NCKAP5: variants seen among roughly 807,000 people sequenced by gnomAD.
NCKAP5 encodes NCK associated protein 5.
NCKAP5 carries 92 observed loss-of-function variants against 167.0 expected under a neutral mutation model. The ratio of observed to expected loss-of-function variants is 0.55; its 90% CI spans 0.47 to 0.66. The LOEUF is 0.66. NCKAP5 is among the 30% of genes least tolerant of loss of function. NCKAP5 has a pLI of 0.00. For missense variants in NCKAP5, 2,378 were observed against 2,315.0 expected (o/e 1.03, Z -0.56); for synonymous variants, 891 against 877.4 (o/e 1.02, Z -0.27).
At chr2:133,193,963 T>C (rs1316014156) in intron 5 of NCKAP5, among the ~76,000 whole-genome samples, 1 of 152,152 alleles carries the variant, frequency 6.6e-6, no homozygotes, top group Non-Finnish European at 1.5e-5. Context: ...GTGTTACAGT[T>C]GCTAAGGGCA....
intron 19 of NCKAP5, among the ~76,000 whole-genome samples, chr2:132,712,515 A>G (rs1421326080): frequency 3.9e-5 from 6 of 152,088 alleles, no homozygotes; most frequent in African/African-American, 9.7e-5. Context: ...AGCCGGGTGT[A>G]GAGGCGGGCA....
chr2:133,136,764 C>G (rs2082801278), intron 5 of NCKAP5, among the ~76,000 whole-genome samples: 1 of 152,168 alleles, frequency 6.6e-6, no homozygotes, highest in Non-Finnish European at 1.5e-5. Context: ...GATAGAAAAA[C>G]ACATGAGCTC....
intron 6 of NCKAP5, among the ~76,000 whole-genome samples, chr2:133,051,806 G>A (rs10195506): frequency 0.53 from 80,430 of 151,990 alleles, 21,779 homozygotes; most frequent in East Asian, 0.94. Context: ...CTAGAAAATG[G>A]TAGGCTCTCA....
At chr2:132,806,942 G>C (rs1012224155) in intron 11 of NCKAP5, among the ~76,000 whole-genome samples, 3 of 152,118 alleles carry the variant, frequency 2.0e-5, no homozygotes, top group Admixed American at 2.0e-4. Flanking sequence ...TATGAGGCGA[G>C]AGGTAAGGAT....
Position 132,782,541 on chromosome 2 carries a change from C to A in NCKAP5, c.4270G>T (p.Ala1424Ser), listed in dbSNP as rs771206094. ...CPPTPTDCPE[A>S]LQSPGRTQHP... Reference sequence around the variant, plus strand: ...TGAGTCCTCCCTGGGCTCTGCAGGGCTTCAGGGCAGTCTGTTGGGGTGGGT... The same window carrying A: ...TGAGTCCTCCCTGGGCTCTGCAGGGATTCAGGGCAGTCTGTTGGGGTGGGT... The change falls in exon 14 of 20, where the codon GCC becomes TCC. Residue 1424 changes from alanine to serine, a missense_variant. By Grantham distance (99) the Ala-to-Ser change is moderately conservative (BLOSUM62 1). Transcript: ENST00000409261. 1 of 1,592,408 alleles carries A rather than the reference C, an allele frequency of 6.3e-7. No homozygotes were observed. The highest frequency in any genetic ancestry group is 1.3e-5 in the African/African-American group (1 of 74,566).
chr2:132,884,890 T>G (rs1692092613), intron 8 of NCKAP5, among the ~76,000 whole-genome samples: 1 of 152,186 alleles, frequency 6.6e-6, no homozygotes, highest in African/African-American at 2.4e-5. Flanking sequence ...AATCGATCCA[T>G]TCAGATAATT....
rs1273307572 is a variant in NCKAP5, at chr2:132,796,805, A to C, written c.808-76T>G. 4.8e-6 allele frequency: 5 copies of C among 1,031,564 alleles called. No homozygotes were observed. The East Asian group carries it at 1.0e-4, about 21-fold the overall frequency. The allele number at this position is 1,031,564 out of a possible 1,614,324, so 63.9% of individuals were successfully genotyped here. ...CTCAAAATCCTGCCTTGGACAGTTA[A>C]ATCTCAAAAGACTTGACATTTCCAG... On this transcript the variant is annotated intron_variant, in intron 11 of 19. Transcript: ENST00000409261.
intron 15 of NCKAP5, 104 bp downstream of exon 15, chr2:132,780,948 G>C: frequency 8.7e-7 from 1 of 1,151,316 alleles, no homozygotes; most frequent in Non-Finnish European, 1.2e-6. Context: ...CTTTCCCCCA[G>C]TTGCAATCTC....
intron 19 of NCKAP5, among the ~76,000 whole-genome samples, chr2:132,685,003 G>A (rs1157440384): frequency 6.6e-6 from 1 of 152,192 alleles, no homozygotes; most frequent in East Asian, 1.9e-4. Flanking sequence ...TATCACAGCA[G>A]AGCTAAAAAT....
chr2:132,785,291 A>G lies in NCKAP5; in HGVS notation c.1520T>C (p.Val507Ala), dbSNP rs531138044. Residue 507 changes from valine (V) to alanine (A), a missense_variant, in exon 14 of 20, where the codon GTT becomes GCT. Physicochemically the swap from Val to Ala is moderately conservative, Grantham distance 64. Transcript: ENST00000409261. ...CTCCCAGCCAAACAGACTGTCGGAA[A>G]CACTGTGGGTTAATTTACTGCCATG... ...RPHGSKLTHS[V>A]SDSLFGWETN... The G allele has an allele frequency of 1.2e-6, 2 of 1,602,580 alleles. No homozygotes were observed. The highest frequency in any genetic ancestry group is 2.2e-5 in the South Asian group (2 of 89,438).
intron 3 of NCKAP5, among the ~76,000 whole-genome samples, chr2:133,454,685 A>G (rs772763067): frequency 6.6e-6 from 1 of 152,062 alleles, no homozygotes; most frequent in Non-Finnish European, 1.5e-5. Flanking sequence ...TATAAACATT[A>G]CTTTCTTAGA....
chr2:133,173,080 A>G (rs2084315826), intron 5 of NCKAP5, among the ~76,000 whole-genome samples: 1 of 152,180 alleles, frequency 6.6e-6, no homozygotes, highest in Non-Finnish European at 1.5e-5. Context: ...CTGCATCCTC[A>G]AGCCAGGGGC....
intron 10 of NCKAP5, among the ~76,000 whole-genome samples, chr2:132,867,297 G>A (rs1690432146): frequency 6.6e-6 from 1 of 152,074 alleles, no homozygotes; most frequent in Non-Finnish European, 1.5e-5. Flanking sequence ...AACTAAGTCA[G>A]CATAGAGTTT....
chr2:133,232,377 A>T (rs894990351), intron 4 of NCKAP5, among the ~76,000 whole-genome samples: 11 of 152,224 alleles, frequency 7.2e-5, no homozygotes, highest in African/African-American at 2.4e-4. Context: ...CCATTTAAAA[A>T]ATATATTTCT....
chr2:133,604,176 G>C, the NCKAP5 span, among the ~76,000 whole-genome samples: 1 of 152,150 alleles, frequency 6.6e-6, no homozygotes, highest in East Asian at 1.9e-4. Flanking sequence ...CCAGGCTTTA[G>C]GAGTAAAGAT....
intron 6 of NCKAP5, among the ~76,000 whole-genome samples, chr2:133,126,003 C>A (rs1256049307): frequency 6.6e-6 from 1 of 152,270 alleles, no homozygotes; most frequent in Admixed American, 6.5e-5. Flanking sequence ...ATCACCTCAG[C>A]GATCCCATTA....
At chr2:133,448,028 A>C (rs1184046920) in intron 3 of NCKAP5, among the ~76,000 whole-genome samples, 2 of 152,170 alleles carry the variant, frequency 1.3e-5, no homozygotes, top group African/African-American at 4.8e-5. Context: ...AACATGTCAT[A>C]AATAGGCTAG....
intron 3 of NCKAP5, among the ~76,000 whole-genome samples, chr2:133,428,777 G>A (rs755834646): frequency 8.5e-5 from 13 of 152,096 alleles, no homozygotes; most frequent in Middle Eastern, 6.8e-3. Context: ...TGGACAATAC[G>A]TATTTGAAAA....
At chr2:133,271,086 ATTTT>A (rs67497565) in intron 4 of NCKAP5, among the ~76,000 whole-genome samples, 4 of 130,818 alleles carry the variant, frequency 3.1e-5, no homozygotes, top group African/African-American at 1.1e-4. Flanking sequence ...GGCCCGGCTA[ATTTT>A]TTTTTTTTTT....
Sources: gnomAD v4.1 joint callset for allele counts (sites outside exome capture counted in the v4.1 genomes callset) on GRCh38, gnomAD v4.1.1 for gene constraint, MANE v1.5 for transcripts, NCBI Gene and HGNC (gene_info 2026-07-23, HGNC 2026-07-21) for gene names.